The following RPRD1B variants were observed in gnomAD, a reference collection of about 807,000 sequenced individuals.
RPRD1B encodes the protein regulation of nuclear pre-mRNA domain containing 1B, also known as regulation of nuclear pre-mRNA domain-containing protein 1B.
Under a neutral mutation model 41.5 loss-of-function variants are expected in RPRD1B, and 11 were observed. The observed-to-expected ratio is 0.27, with a 90% CI of 0.17 to 0.44. RPRD1B has a LOEUF of 0.44. Ranked by LOEUF, RPRD1B falls within the 20% of genes least tolerant of loss-of-function variation. The pLI is 1.00. For synonymous variants in RPRD1B, 158 were observed against 155.6 expected, an observed-to-expected ratio of 1.02 and a Z score of -0.12; for missense variants, 248 against 389.9, an observed-to-expected ratio of 0.64 and a Z score of 3.06.
rs2122736972 is a variant in RPRD1B, at chr20:38,066,127, T to G, written c.702T>G (p.Cys234Trp). Residue 234 changes from cysteine to tryptophan, a missense_variant, in exon 6 of 7, where the codon TGT becomes TGG. This residue lies in a region of RPRD1B where 93 missense variants were observed against 167.2 expected (regional missense o/e 0.56). Transcript: ENST00000373433. ...TTTCAAAAACAGTAGATGAAGCATG[T>G]CTGTTACTAGCAGAATATAACGGGC... Reference protein sequence around the residue: ...ERLSKTVDEACLLLAEYNGRL... With the variant: ...ERLSKTVDEAWLLLAEYNGRL... The G allele has an allele frequency of 6.2e-7, 1 of 1,614,206 alleles. No homozygotes were observed. The highest frequency in any genetic ancestry group is 1.1e-5 in the South Asian group (1 of 91,080).
chr20:38,067,728 TC>T (rs1195102650), intron 6 of RPRD1B, among the ~76,000 whole-genome samples: 2 of 152,222 alleles, frequency 1.3e-5, no homozygotes, highest in Non-Finnish European at 1.5e-5. Flanking sequence ...TGACCAGAGA[TC>T]CTAAAGGGAG....
chr20:38,080,064 G>T (rs527452045), intron 6 of RPRD1B, among the ~76,000 whole-genome samples: 3 of 152,260 alleles, frequency 2.0e-5, no homozygotes, highest in South Asian at 2.1e-4. Flanking sequence ...TTTTAATGGG[G>T]TTTTTTGTTA....
chr20:38,048,268 T>C lies in RPRD1B; in HGVS notation c.282-80T>C, dbSNP rs2074140256. ...AATCATTTAGTCAGTTGTTGATTTC[T>C]TTTTTTTTTAAGTAGGTCTGTCCTA... On this transcript the variant is annotated intron_variant, in intron 2 of 6. Coordinates refer to ENST00000373433, the MANE Select transcript of RPRD1B (RefSeq NM_021215.4). The C allele has an allele frequency of 3.9e-6, 4 of 1,024,774 alleles. No individual in the cohort carries two copies. In the East Asian group the frequency reaches 1.3e-4, roughly 33 times the overall value. 63.5% of individuals were successfully genotyped at this position (1,024,774 alleles called of 1,614,324 possible). A position where few individuals can be genotyped will look rare whatever the true frequency, so the allele number is the denominator to read the frequency against.
intron 5 of RPRD1B, among the ~76,000 whole-genome samples, chr20:38,065,587 T>C (rs901449909): frequency 1.3e-5 from 2 of 152,244 alleles, no homozygotes; most frequent in Non-Finnish European, 2.9e-5. Flanking sequence ...TGTTATTCTG[T>C]ATTTTTAAAA....
At position 38,034,052 on chromosome 20, in the gene RPRD1B, G is replaced by A; in HGVS notation, c.105G>A (p.Lys35=). The A allele has an allele frequency of 6.2e-7, 1 of 1,614,186 alleles. No individual in the cohort carries two copies. Among genetic ancestry groups the A allele is most frequent in the Non-Finnish European group, 8.5e-7 (1 of 1,180,032 alleles). Reference sequence around the variant, plus strand: ...CCCTTTGGCTCATCCACCACCGCAAGCACGCGGGACCCATCGTCTCCGTGT... The same window carrying A: ...CCCTTTGGCTCATCCACCACCGCAAACACGCGGGACCCATCGTCTCCGTGT... The part of the protein sequence containing the change: ...TLSLWLIHHR[K]HAGPIVSVWH... Residue 35 remains lysine, a synonymous_variant, in exon 1 of 7, where the codon AAG becomes AAA. Coordinates refer to ENST00000373433, the MANE Select transcript of RPRD1B (RefSeq NM_021215.4).
chr20:38,086,783 C>G (rs891586894), intron 6 of RPRD1B, among the ~76,000 whole-genome samples: 1 of 152,178 alleles, frequency 6.6e-6, no homozygotes, highest in Non-Finnish European at 1.5e-5. Context: ...GGGCAGGATC[C>G]GTCCACTTCC....
At chr20:38,039,702 C>G (rs185359156) in intron 1 of RPRD1B, among the ~76,000 whole-genome samples, 2 of 150,178 alleles carry the variant, frequency 1.3e-5, no homozygotes, top group African/African-American at 4.9e-5. Context: ...CCACGCTCGG[C>G]GAAACCATTT....
In RPRD1B at chr20:38,056,499, G is replaced by A. The variant is rs576699176; in HGVS notation, c.416-1033G>A. ...ATATAATGTAGAGAACAGGAGCTAC[G>A]TGACTTGTTTCCAGAAGAAAATGTG... is the stretch of plus-strand genomic sequence containing the variant. On this transcript the variant is annotated intron_variant, in intron 3 of 6. Transcript: ENST00000373433. 1.3e-5 allele frequency among the ~76,000 whole-genome samples: 2 copies of A among 152,362 alleles called. 1 individual carries two copies. The highest frequency in any genetic ancestry group is 4.1e-4 in the South Asian group (2 of 4,826).
intron 3 of RPRD1B, among the ~76,000 whole-genome samples, chr20:38,055,039 A>C (rs1182319553): frequency 6.6e-6 from 1 of 152,228 alleles, no homozygotes; most frequent in Non-Finnish European, 1.5e-5. Flanking sequence ...GCAGGACTAT[A>C]ACCATGATTG....
rs367906446 is a variant in RPRD1B, at chr20:38,041,804, G to A, written c.281+1240G>A. On this transcript the variant is annotated intron_variant, in intron 2 of 6. Coordinates refer to ENST00000373433, the MANE Select transcript of RPRD1B (RefSeq NM_021215.4). ...CCACTCCCCCTCATAAGAGTTGTGAGGGTAAAGACAGACAATATGTTTAAA... is the reference window on the plus strand; with the variant it reads ...CCACTCCCCCTCATAAGAGTTGTGAAGGTAAAGACAGACAATATGTTTAAA... Among the ~76,000 whole-genome samples the A allele has an allele frequency of 2.0e-5, 3 of 152,332 alleles. No individual in the cohort carries two copies. In the East Asian group the frequency reaches 5.8e-4, roughly 29 times the overall value.
chr20:38,066,305 A>T (rs190907982), intron 6 of RPRD1B, 49 bp downstream of exon 6: 1 of 1,550,186 alleles, frequency 6.5e-7, no homozygotes, highest in Non-Finnish European at 8.8e-7. Flanking sequence ...CCCTTCCTGT[A>T]GCCCACATTA....
chr20:38,088,692 C>T (rs1478533986), intron 6 of RPRD1B, among the ~76,000 whole-genome samples: 1 of 152,216 alleles, frequency 6.6e-6, no homozygotes, highest in Non-Finnish European at 1.5e-5. Context: ...AAATATGCCC[C>T]ATTCCTATCA....
intron 4 of RPRD1B, 127 bp from the exon 5 acceptor site, chr20:38,059,267 C>G: frequency 2.1e-6 from 2 of 963,152 alleles, no homozygotes; most frequent in Non-Finnish European, 3.0e-6. Flanking sequence ...GGGCTAAGAA[C>G]AGTTTTTTTT....
intron 3 of RPRD1B, among the ~76,000 whole-genome samples, chr20:38,053,324 A>G (rs534050025): frequency 1.3e-5 from 2 of 152,362 alleles, no homozygotes; most frequent in East Asian, 3.9e-4. Flanking sequence ...TGACAATACC[A>G]GGCACTATAA....
chr20:38,077,188 G>A (rs1305800521), intron 6 of RPRD1B, among the ~76,000 whole-genome samples: 1 of 151,970 alleles, frequency 6.6e-6, no homozygotes, highest in East Asian at 1.9e-4. Flanking sequence ...AAAGCGCTGG[G>A]ATTACAGACA....
intron 2 of RPRD1B, among the ~76,000 whole-genome samples, chr20:38,044,853 G>T (rs146764468): frequency 6.6e-6 from 1 of 152,180 alleles, no homozygotes; most frequent in African/African-American, 2.4e-5. Flanking sequence ...ATGAGGTACT[G>T]TTGGAAGTGT....
intron 1 of RPRD1B, 97 bp downstream of exon 1, chr20:38,034,195 T>A: frequency 7.5e-7 from 1 of 1,327,748 alleles, no homozygotes; most frequent in Non-Finnish European, 1.0e-6. Flanking sequence ...GAGCCTTGCT[T>A]TCCAGGCCTG....
At chr20:38,056,237 A>G (rs1327062530) in intron 3 of RPRD1B, among the ~76,000 whole-genome samples, 1 of 152,058 alleles carries the variant, frequency 6.6e-6, no homozygotes, top group East Asian at 1.9e-4. Flanking sequence ...CTAAAAATAC[A>G]AAAATTAGCC....
chr20:38,092,098 G>A lies in RPRD1B; in HGVS notation c.*2223G>A, dbSNP rs2074616277. On this transcript the variant is annotated 3_prime_UTR_variant, in exon 7 of 7. Coordinates refer to ENST00000373433, the MANE Select transcript of RPRD1B (RefSeq NM_021215.4). ...TATGTATGAGGTGACTTGGTGGGTG[G>A]GGTGGGTGGTTTTTGTTTTTGTGTT... The A allele has an allele frequency of 2.0e-6, 2 of 985,504 alleles. No individual in the cohort carries two copies. The highest frequency in any genetic ancestry group is 3.5e-5 in the African/African-American group (2 of 57,178). 61.0% of individuals were successfully genotyped at this position (985,504 alleles called of 1,614,324 possible). A position where few individuals can be genotyped will look rare whatever the true frequency, so the allele number is the denominator to read the frequency against.
Sources: gnomAD v4.1 joint callset for allele counts (sites outside exome capture counted in the v4.1 genomes callset) on GRCh38, gnomAD v4.1.1 for gene constraint, gnomAD v4.1.1 regional missense constraint, MANE v1.5 for transcripts, NCBI Gene and HGNC (gene_info 2026-07-23, HGNC 2026-07-21) for gene names.